The following SYNE1 variants were observed in gnomAD, a reference collection of about 807,000 sequenced individuals.
The protein encoded by SYNE1 is spectrin repeat containing nuclear envelope protein 1.
A neutral mutation model predicts 1,111.0 loss-of-function variants in SYNE1; 616 were observed. The ratio of observed to expected loss-of-function variants is 0.55; its 90% CI spans 0.52 to 0.59. The LOEUF (loss-of-function observed/expected upper bound fraction) is 0.59, where lower values mean the gene tolerates loss of function less well. SYNE1 is among the 20% of genes least tolerant of loss of function. The pLI is 0.00. For missense variants in SYNE1, 10,006 were observed against 10,417.0 expected (o/e 0.96, Z 1.72); for synonymous variants, 3,855 against 3,825.8 (o/e 1.01, Z -0.28).
chr6:152,139,717 AAAAG>A (rs138419982), intron 140 of SYNE1, among the ~76,000 whole-genome samples: 48,737 of 95,626 alleles, frequency 0.51, 11,577 homozygotes, highest in East Asian at 0.75. Context: ...AAAAGAAAGA[AAAAG>A]AAAGAAAGAA....
intron 3 of SYNE1, among the ~76,000 whole-genome samples, chr6:152,627,312 C>T (rs183637383): frequency 6.8e-4 from 104 of 152,186 alleles, no homozygotes; most frequent in African/African-American, 2.3e-3. Context: ...AGAATCTGTT[C>T]ACCTATGAGT....
At chr6:152,235,234 A>C (rs2083726564) in intron 110 of SYNE1, among the ~76,000 whole-genome samples, 1 of 152,144 alleles carries the variant, frequency 6.6e-6, no homozygotes, top group South Asian at 2.1e-4. Flanking sequence ...TTACTGTGAT[A>C]TCTCAGACAC....
chr6:152,192,856 C>T (rs1283574480), intron 127 of SYNE1, among the ~76,000 whole-genome samples: 6 of 151,912 alleles, frequency 3.9e-5, no homozygotes, highest in Non-Finnish European at 7.4e-5. Context: ...GTCTTGAAAC[C>T]TATTTTGTCT....
chr6:152,413,856 T>C (rs2098110879), intron 41 of SYNE1, among the ~76,000 whole-genome samples: 1 of 152,072 alleles, frequency 6.6e-6, no homozygotes, highest in Admixed American at 6.5e-5. Context: ...GCTAACTAGG[T>C]AAATACTTAT....
In SYNE1 at chr6:152,566,100, T is replaced by C. The variant is rs78298034; in HGVS notation, c.68-26079A>G. On this transcript the variant is annotated intron_variant, in intron 3 of 145. Coordinates refer to ENST00000367255, the MANE Select transcript of SYNE1 (RefSeq NM_182961.4). ...TTTCTTCCACAGCACTACAGCTGTG[T>C]ATAGGGAAAAACAGGGGAAGAAGAA... 7.0e-3 allele frequency among the ~76,000 whole-genome samples: 1,057 copies of C among 152,048 alleles called. 5 individuals are homozygous for C. The highest frequency in any genetic ancestry group is 0.011 in the Admixed American group (175 of 15,250).
chr6:152,511,343 T>C (rs1371757566), intron 6 of SYNE1, among the ~76,000 whole-genome samples: 1 of 152,164 alleles, frequency 6.6e-6, no homozygotes, highest in African/African-American at 2.4e-5. Flanking sequence ...AAACTTCTTT[T>C]GTTTAAAGTT....
chr6:152,454,253 T>C (rs539745535), intron 24 of SYNE1, among the ~76,000 whole-genome samples: 2 of 152,282 alleles, frequency 1.3e-5, no homozygotes, highest in Admixed American at 1.3e-4. Context: ...TAGGCACACA[T>C]GCTAGCACCA....
intron 14 of SYNE1, among the ~76,000 whole-genome samples, chr6:152,482,883 C>T (rs1253663409): frequency 6.6e-6 from 1 of 152,180 alleles, no homozygotes; most frequent in Non-Finnish European, 1.5e-5. Flanking sequence ...GAAAATATCT[C>T]AGGAAGTCAA....
chr6:152,530,120 A>G (rs1028596680), intron 4 of SYNE1, among the ~76,000 whole-genome samples: 1 of 152,170 alleles, frequency 6.6e-6, no homozygotes, highest in Admixed American at 6.5e-5. Flanking sequence ...GAAGCCAGCC[A>G]AGGTCTATTC....
chr6:152,606,739 C>A (rs1279625496), intron 3 of SYNE1, among the ~76,000 whole-genome samples: 1 of 152,100 alleles, frequency 6.6e-6, no homozygotes, highest in Admixed American at 6.5e-5. Flanking sequence ...GCTCCGCCTC[C>A]CGGGTTCACG....
At chr6:152,200,983 G>C (rs1408460) in intron 127 of SYNE1, among the ~76,000 whole-genome samples, 88,239 of 152,032 alleles carry the variant, frequency 0.58, 25,820 homozygotes, top group Admixed American at 0.66. Context: ...CTTTGCCAAA[G>C]TGAGGCAGAG....
intron 13 of SYNE1, among the ~76,000 whole-genome samples, chr6:152,484,228 A>G (rs967091080): frequency 6.6e-6 from 1 of 152,034 alleles, no homozygotes. Flanking sequence ...AAAATAAAAT[A>G]AAGTAAAGAA....
intron 132 of SYNE1, 21 bp downstream of exon 132, chr6:152,155,889 T>TGTTTCAGCATCCCAGCTC (rs2061294597): frequency 6.2e-7 from 1 of 1,613,474 alleles, no homozygotes; most frequent in Non-Finnish European, 8.5e-7. Context: ...CTTCCCTATC[T>TGTTTCAGCATCCCAGCTC]GTTTCAGCAT....
At chr6:152,426,927 C>T (rs867368210) in intron 38 of SYNE1, among the ~76,000 whole-genome samples, 1 of 152,192 alleles carries the variant, frequency 6.6e-6, no homozygotes, top group East Asian at 1.9e-4. Flanking sequence ...GGCAAAAGAA[C>T]GTAGCTTCCT....
At chr6:152,449,380 C>T (rs770578880) in intron 28 of SYNE1, among the ~76,000 whole-genome samples, 153 bp downstream of exon 28, 1 of 152,198 alleles carries the variant, frequency 6.6e-6, no homozygotes, top group Non-Finnish European at 1.5e-5. Context: ...ACTCTACATG[C>T]TCCACAGTAA....
At chr6:152,383,892 A>AGGCTCCTCC (rs2097474281) in intron 55 of SYNE1, among the ~76,000 whole-genome samples, 1 of 152,136 alleles carries the variant, frequency 6.6e-6, no homozygotes, top group Admixed American at 6.5e-5. Context: ...CTCTATCACC[A>AGGCTCCTCC]GGCTCCTCCG....
intron 3 of SYNE1, among the ~76,000 whole-genome samples, chr6:152,600,667 A>G (rs2099594005): frequency 6.6e-6 from 1 of 152,174 alleles, no homozygotes. Flanking sequence ...TTTCATGTTC[A>G]TGTTTCCCTT....
At position 152,151,851 on chromosome 6, in the gene SYNE1, C is replaced by T. The variant is rs1375320529; in HGVS notation, c.24312+108G>A. 20 of 1,497,918 alleles carry T rather than the reference C, an allele frequency of 1.3e-5. No homozygotes were observed. The East Asian group carries it at 4.6e-4, about 35-fold the overall frequency. The allele number at this position is 1,497,918 out of a possible 1,614,324, so 92.8% of individuals were successfully genotyped here. A position where few individuals can be genotyped will look rare whatever the true frequency, so the allele number is the denominator to read the frequency against. ...TATATCACTCCCCGGTTTACTCCTCCTGCCATCCCATTCTTACAAAATCAC... is the reference window on the plus strand; with the variant it reads ...TATATCACTCCCCGGTTTACTCCTCTTGCCATCCCATTCTTACAAAATCAC... On this transcript the variant is annotated intron_variant, in intron 134 of 145. Transcript: ENST00000367255.
intron 3 of SYNE1, among the ~76,000 whole-genome samples, chr6:152,623,332 CATATACAAAAATTAACTCAAGAT>C (rs1284871979): frequency 5.3e-5 from 8 of 152,028 alleles, no homozygotes; most frequent in Admixed American, 2.6e-4. Context: ...TTCCTTACCC[CATATACAAAAATTAACTCAAGAT>C]ATATACAAAA....
Sources: gnomAD v4.1 joint callset for allele counts (sites outside exome capture counted in the v4.1 genomes callset) on GRCh38, gnomAD v4.1.1 for gene constraint, MANE v1.5 for transcripts, NCBI Gene and HGNC (gene_info 2026-07-23, HGNC 2026-07-21) for gene names.